The following CLN8 variants were observed in gnomAD, a reference collection of about 807,000 sequenced individuals.
CLN8 encodes CLN8 transmembrane ER and ERGIC protein, also known as protein CLN8.
A neutral mutation model predicts 15.7 loss-of-function variants in CLN8; 14 were observed. The observed-to-expected ratio is 0.89, with a 90% CI of 0.59 to 1.39. CLN8 has a LOEUF of 1.39. Among genes scored for constraint, CLN8 ranks in the 40% most tolerant of loss-of-function variants. CLN8 has a pLI of 0.00. For missense variants in CLN8, 415 were observed against 364.0 expected (o/e 1.14, Z -1.14); for synonymous variants, 188 against 151.0 (o/e 1.25, Z -1.80).
At chr8:1,769,453 G>C (rs1028401670) in intron 1 of CLN8, among the ~76,000 whole-genome samples, 4 of 152,174 alleles carry the variant, frequency 2.6e-5, no homozygotes, top group Non-Finnish European at 5.9e-5. Context: ...AGAGGGTCCA[G>C]CTGCGTGGGG....
chr8:1,761,561 G>C (rs958508569), upstream of CLN8, among the ~76,000 whole-genome samples: 2 of 152,254 alleles, frequency 1.3e-5, no homozygotes, highest in Admixed American at 1.3e-4. Flanking sequence ...CTGACCTCAA[G>C]TGATCCGCCT....
chr8:1,758,159 C>G (rs977647945), intron 1 of CLN8: 3 of 152,158 alleles, frequency 2.0e-5, no homozygotes, highest in Non-Finnish European at 2.9e-5. Flanking sequence ...GAAAGATACA[C>G]TTTTTGGAAA....
rs796563216 is a variant in CLN8 at position 1,766,555 on chromosome 8, A to AT, written c.-124+2680dup. On this transcript the variant is annotated intron_variant, in intron 1 of 2. Coordinates refer to ENST00000331222, the MANE Select transcript of CLN8 (RefSeq NM_018941.4). ...CAGGCGCTCGCCATCACGCCTGGCT[A>AT]TTTTTTTTTTGTATTTTAGTAGAGA... Among the ~76,000 whole-genome samples the AT allele has an allele frequency of 5.8e-3, 851 of 147,538 alleles. 8 individuals are homozygous for AT. The highest frequency in any genetic ancestry group is 0.019 in the African/African-American group (761 of 40,284).
Position 1,781,579 on chromosome 8 carries a change from G to C in CLN8, c.*1012G>C, listed in dbSNP as rs888100338. ...CATGGTACCTGTTTTAAAATGAGAA[G>C]TTATTATTCATACTGTGTTGCTCAT... On this transcript the variant is annotated 3_prime_UTR_variant, in exon 3 of 3. Transcript: ENST00000331222. The C allele has an allele frequency of 2.0e-5, 3 of 151,570 alleles. No homozygotes were observed. The highest frequency in any genetic ancestry group is 7.3e-5 in the African/African-American group (3 of 41,230). 9.4% of individuals were successfully genotyped at this position (151,570 alleles called of 1,614,324 possible).
chr8:1,778,187 A>C (rs978176639), intron 2 of CLN8, among the ~76,000 whole-genome samples: 2 of 152,218 alleles, frequency 1.3e-5, no homozygotes, highest in Non-Finnish European at 2.9e-5. Context: ...CACCCAGACA[A>C]GGATGTCAGG....
At chr8:1,771,646 C>T in intron 2 of CLN8, 49 bp downstream of exon 2, 1 of 1,538,114 alleles carries the variant, frequency 6.5e-7, no homozygotes, top group Non-Finnish European at 8.9e-7. Flanking sequence ...CGCATTTAAT[C>T]ACTGGCTACA....
At chr8:1,774,621 C>G (rs866054553) in intron 2 of CLN8, among the ~76,000 whole-genome samples, 2 of 152,156 alleles carry the variant, frequency 1.3e-5, no homozygotes, top group Non-Finnish European at 2.9e-5. Context: ...GTGGCTTATT[C>G]TTCGTATTTC....
chr8:1,767,565 CTTTTTTTTTT>C (rs1156569423), intron 1 of CLN8, among the ~76,000 whole-genome samples: 17 of 81,326 alleles, frequency 2.1e-4, no homozygotes, highest in Middle Eastern at 0.029. Flanking sequence ...ATGTTTCTTT[CTTTTTTTTTT>C]TTTTTTTTTT....
intron 1 of CLN8, chr8:1,758,068 C>T (rs959608213): frequency 1.3e-5 from 2 of 151,730 alleles, no homozygotes; most frequent in African/African-American, 4.8e-5. Flanking sequence ...AGCATCAGAG[C>T]CCTTTAGTAC....
Position 1,771,168 on chromosome 8 carries a change from C to A in CLN8, c.114C>A (p.Val38=), listed in dbSNP as rs1585137545. 5 of 1,614,072 alleles carry A rather than the reference C, an allele frequency of 3.1e-6. No individual in the cohort carries two copies. Among genetic ancestry groups the A allele is most frequent in the Non-Finnish European group, 4.2e-6 (5 of 1,180,028 alleles). Residue 38 remains valine (V), a synonymous_variant, in exon 2 of 3, where the codon GTC becomes GTA. Transcript: ENST00000331222. ...MVAGFVFYLG[V]FVVCHQLSSS... Reference sequence around the variant, plus strand: ...CTGGCTTTGTCTTCTACTTGGGCGTCTTTGTGGTCTGCCACCAGCTGTCCT... The same window carrying A: ...CTGGCTTTGTCTTCTACTTGGGCGTATTTGTGGTCTGCCACCAGCTGTCCT...
intron 2 of CLN8, among the ~76,000 whole-genome samples, chr8:1,777,778 G>T: frequency 6.6e-6 from 1 of 152,208 alleles, no homozygotes; most frequent in East Asian, 1.9e-4. Context: ...CTCCTATGGT[G>T]ACAGTGCCTT....
At chr8:1,772,017 C>T (rs1016498719) in intron 2 of CLN8, among the ~76,000 whole-genome samples, 2 of 151,990 alleles carry the variant, frequency 1.3e-5, no homozygotes, top group African/African-American at 2.4e-5. Flanking sequence ...CTCACTGCAA[C>T]CTCCGCCTCC....
chr8:1,757,055 A>T (rs992815658), intron 1 of CLN8, among the ~76,000 whole-genome samples: 4 of 152,174 alleles, frequency 2.6e-5, no homozygotes, highest in African/African-American at 4.8e-5. Flanking sequence ...TCATTCCAAG[A>T]GATGAAGCTG....
At chr8:1,759,685 G>A (rs1800747478), upstream of CLN8, 1 of 152,268 alleles carries the variant, frequency 6.6e-6, no homozygotes, top group South Asian at 2.1e-4. Context: ...CTGAGCAGCT[G>A]ATCTGCGGGA....
chr8:1,759,172 G>A (rs749298430), upstream of CLN8: 2 of 152,188 alleles, frequency 1.3e-5, no homozygotes, highest in East Asian at 1.9e-4. Context: ...AACGGAAGGC[G>A]GGTATAAGGA....
chr8:1,781,622 G>A lies in CLN8; in HGVS notation c.*1055G>A, dbSNP rs576248925. The A allele has an allele frequency of 2.0e-5, 3 of 152,154 alleles. No homozygotes were observed. Among genetic ancestry groups the A allele is most frequent in the African/African-American group, 7.2e-5 (3 of 41,474 alleles). The allele number at this position is 152,154 out of a possible 1,614,324, so 9.4% of individuals were successfully genotyped here. A position where few individuals can be genotyped will look rare whatever the true frequency, so the allele number is the denominator to read the frequency against. ...TTGCTCATTTGACAAAATAAGGTAA[G>A]GATTTCATAATCAGGTTGTCTGGGT... On this transcript the variant is annotated 3_prime_UTR_variant, in exon 3 of 3. Transcript: ENST00000331222.
upstream of CLN8, among the ~76,000 whole-genome samples, chr8:1,761,690 G>A (rs902451317): frequency 1.3e-5 from 2 of 152,180 alleles, no homozygotes; most frequent in African/African-American, 4.8e-5. Context: ...AGCACTGAGG[G>A]GTCAGATCAG....
intron 2 of CLN8, among the ~76,000 whole-genome samples, chr8:1,773,245 C>A (rs1801384566): frequency 6.6e-6 from 1 of 152,034 alleles, no homozygotes; most frequent in African/African-American, 2.4e-5. Context: ...CAGGTGAGCA[C>A]CTCGGAGTTA....
At chr8:1,767,565 CTTT>C (rs1156569423) in intron 1 of CLN8, among the ~76,000 whole-genome samples, 57 of 81,324 alleles carry the variant, frequency 7.0e-4, no homozygotes, top group South Asian at 4.3e-3. Context: ...ATGTTTCTTT[CTTT>C]TTTTTTTTTT....
Sources: gnomAD v4.1 joint callset for allele counts (sites outside exome capture counted in the v4.1 genomes callset) on GRCh38, gnomAD v4.1.1 for gene constraint, MANE v1.5 for transcripts, NCBI Gene and HGNC (gene_info 2026-07-23, HGNC 2026-07-21) for gene names.